The following SLIT3 variants were observed in gnomAD, a reference collection of about 807,000 sequenced individuals.
SLIT3 encodes slit guidance ligand 3.
SLIT3 carries 68 observed loss-of-function variants against 184.0 expected under a neutral mutation model. The observed-to-expected ratio is 0.37, with a 90% CI of 0.30 to 0.45. The LOEUF is 0.45. Ranked by LOEUF, SLIT3 falls within the 20% of genes least tolerant of loss-of-function variation. SLIT3 has a pLI of 1.00. For synonymous variants in SLIT3, 831 were observed against 828.6 expected (o/e 1.00, Z -0.05); for missense variants, 1,707 against 2,026.0 (o/e 0.84, Z 3.02).
At chr5:169,106,740 C>T (rs1022555084) in intron 4 of SLIT3, among the ~76,000 whole-genome samples, 1 of 152,216 alleles carries the variant, frequency 6.6e-6, no homozygotes, top group Non-Finnish European at 1.5e-5. Flanking sequence ...TGATAATTTA[C>T]TAACTTCATT....
At chr5:169,077,177 T>C (rs1758778050) in intron 4 of SLIT3, among the ~76,000 whole-genome samples, 1 of 152,222 alleles carries the variant, frequency 6.6e-6, no homozygotes, top group Admixed American at 6.5e-5. Flanking sequence ...ATTTAATGAA[T>C]TGTAAGTATA....
rs1761762458 is a variant in SLIT3 at position 168,686,966 on chromosome 5, C to T, written c.3314+13G>A. The T allele has an allele frequency of 6.2e-7, 1 of 1,611,412 alleles. No individual in the cohort carries two copies. Among genetic ancestry groups the T allele is most frequent in the Non-Finnish European group, 8.5e-7 (1 of 1,177,766 alleles). Reference sequence around the variant, plus strand: ...CCAGGCTGTCTCCTTCCTGAGGTGCCCTCCTGCCTTACCTGAAGCCCTGGG... The same window carrying T: ...CCAGGCTGTCTCCTTCCTGAGGTGCTCTCCTGCCTTACCTGAAGCCCTGGG... On this transcript the variant is annotated intron_variant, in intron 30 of 35. Coordinates refer to ENST00000519560, the MANE Select transcript of SLIT3 (RefSeq NM_003062.4).
chr5:169,066,282 C>T (rs1758346501), intron 4 of SLIT3, among the ~76,000 whole-genome samples: 1 of 152,142 alleles, frequency 6.6e-6, no homozygotes, highest in African/African-American at 2.4e-5. Context: ...GTAATACAGA[C>T]AGTAAGTGGG....
chr5:168,845,761 G>A (rs1463365904), intron 5 of SLIT3, among the ~76,000 whole-genome samples: 2 of 152,002 alleles, frequency 1.3e-5, no homozygotes, highest in South Asian at 4.1e-4. Flanking sequence ...CAACAAAAAA[G>A]GTGTTATACA....
chr5:169,072,341 T>C (rs1207388164), intron 4 of SLIT3, among the ~76,000 whole-genome samples: 1 of 152,238 alleles, frequency 6.6e-6, no homozygotes, highest in Non-Finnish European at 1.5e-5. Context: ...ATAAGCTTTC[T>C]GAACCCTAGA....
chr5:168,986,138 C>T (rs1755119373), intron 4 of SLIT3, among the ~76,000 whole-genome samples: 1 of 152,030 alleles, frequency 6.6e-6, no homozygotes, highest in Admixed American at 6.6e-5. Flanking sequence ...ATGTAATATA[C>T]CTCATACTTT....
At chr5:168,873,383 A>G (rs1385906577) in intron 5 of SLIT3, among the ~76,000 whole-genome samples, 1 of 151,694 alleles carries the variant, frequency 6.6e-6, no homozygotes, top group Non-Finnish European at 1.5e-5. Flanking sequence ...TAATCCCAGC[A>G]TTTTGGGAGG....
chr5:169,105,314 C>G (rs1760163489), intron 4 of SLIT3, among the ~76,000 whole-genome samples: 1 of 152,224 alleles, frequency 6.6e-6, no homozygotes, highest in African/African-American at 2.4e-5. Flanking sequence ...ATTAATGATT[C>G]TAATGCACAT....
intron 20 of SLIT3, among the ~76,000 whole-genome samples, chr5:168,747,903 G>C (rs558103208): frequency 6.6e-6 from 1 of 152,282 alleles, no homozygotes; most frequent in South Asian, 2.1e-4. Flanking sequence ...GCTGGACAAT[G>C]TTTTCACAAT....
At chr5:169,089,572 C>G (rs1759490496) in intron 4 of SLIT3, among the ~76,000 whole-genome samples, 1 of 152,238 alleles carries the variant, frequency 6.6e-6, no homozygotes, top group Non-Finnish European at 1.5e-5. Context: ...TCTGCCTACA[C>G]TCTGTGCCCC....
At chr5:169,231,668 G>T (rs1030888504) in intron 3 of SLIT3, among the ~76,000 whole-genome samples, 24 of 152,260 alleles carry the variant, frequency 1.6e-4, no homozygotes, top group Non-Finnish European at 3.2e-4. Flanking sequence ...GTGCTGATAT[G>T]AACATTCCTG....
chr5:169,191,742 C>T (rs796816722), intron 4 of SLIT3, among the ~76,000 whole-genome samples: 24 of 152,234 alleles, frequency 1.6e-4, no homozygotes, highest in African/African-American at 5.8e-4. Flanking sequence ...GACCTGTTAT[C>T]ACCACTTGAA....
At chr5:168,889,739 G>A (rs1222329808) in intron 4 of SLIT3, among the ~76,000 whole-genome samples, 8 of 152,234 alleles carry the variant, frequency 5.3e-5, no homozygotes, top group African/African-American at 1.7e-4. Context: ...ATAGAAAAGT[G>A]GATAGTCCTA....
At chr5:169,236,729 A>G (rs1765215103) in intron 3 of SLIT3, among the ~76,000 whole-genome samples, 2 of 152,132 alleles carry the variant, frequency 1.3e-5, no homozygotes, top group South Asian at 2.1e-4. Flanking sequence ...CTTGGGCTCC[A>G]AAAGTGCTGG....
intron 4 of SLIT3, chr5:169,026,235 C>T (rs2113507451): frequency 6.6e-6 from 1 of 152,222 alleles, no homozygotes; most frequent in South Asian, 2.1e-4. Flanking sequence ...ATGCCACAGC[C>T]TAATTTTAAT....
intron 4 of SLIT3, among the ~76,000 whole-genome samples, chr5:168,965,290 ATGT>A (rs1763147227): frequency 6.6e-6 from 1 of 152,220 alleles, no homozygotes; most frequent in African/African-American, 2.4e-5. Flanking sequence ...AGAGATAAAC[ATGT>A]TGTTTAGGCG....
At chr5:168,833,742 CA>C (rs1463045344) in intron 6 of SLIT3, among the ~76,000 whole-genome samples, 1 of 152,190 alleles carries the variant, frequency 6.6e-6, no homozygotes, top group Non-Finnish European at 1.5e-5. Flanking sequence ...GATAAAGAGC[CA>C]AAAGACCTGC....
At chr5:169,078,110 A>T (rs1457158268) in intron 4 of SLIT3, among the ~76,000 whole-genome samples, 2 of 152,116 alleles carry the variant, frequency 1.3e-5, no homozygotes. Context: ...ACCCACAGGG[A>T]TCACATGCTG....
chr5:168,675,369 G>T (rs1260979138), intron 32 of SLIT3, among the ~76,000 whole-genome samples: 2 of 152,214 alleles, frequency 1.3e-5, no homozygotes, highest in African/African-American at 2.4e-5. Flanking sequence ...AAAGGCAAGA[G>T]AAATGCTTGG....
Sources: gnomAD v4.1 joint callset for allele counts (sites outside exome capture counted in the v4.1 genomes callset) on GRCh38, gnomAD v4.1.1 for gene constraint, MANE v1.5 for transcripts, NCBI Gene and HGNC (gene_info 2026-07-23, HGNC 2026-07-21) for gene names.